Variants in PISD observed in about 807,000 individuals in gnomAD.
PISD encodes phosphatidylserine decarboxylase proenzyme, mitochondrial.
Under a neutral mutation model 43.5 loss-of-function variants are expected in PISD, and 31 were observed. The observed-to-expected ratio is 0.71, with a 90% CI of 0.54 to 0.96. PISD has a LOEUF of 0.96. Among genes scored for constraint, PISD ranks in the 40% least tolerant of loss-of-function variants. The pLI, the probability that PISD is intolerant of heterozygous loss-of-function variation, is 0.00. For synonymous variants in PISD, 259 were observed against 228.7 expected, an observed-to-expected ratio of 1.13 and a Z score of -1.20; for missense variants, 523 against 548.4, an observed-to-expected ratio of 0.95 and a Z score of 0.46.
chr22:31,641,985 C>T (rs911375817), intron 3 of PISD, among the ~76,000 whole-genome samples: 1 of 151,098 alleles, frequency 6.6e-6, no homozygotes, highest in Non-Finnish European at 1.5e-5. Context: ...GGTGTCCATA[C>T]CCTTTCAGGC....
chr22:31,643,746 CA>C lies in PISD; in HGVS notation c.321+4354del, dbSNP rs199794455. Among the ~76,000 whole-genome samples, 188 of 151,972 alleles carry C rather than the reference CA, an allele frequency of 1.2e-3. 3 individuals carry two copies. The East Asian group carries it at 0.033, about 27-fold the overall frequency. ...GCAACATGGTGAAACCCCATCTCTA[CA>C]AAAAAATACAAAAATTAGTGGCTGT... On this transcript the variant is annotated intron_variant, in intron 3 of 7. Transcript: ENST00000439502.
intron 1 of PISD, among the ~76,000 whole-genome samples, chr22:31,656,084 G>A (rs909854597): frequency 3.9e-5 from 6 of 152,032 alleles, no homozygotes; most frequent in Admixed American, 1.3e-4. Flanking sequence ...ACCTGAGGTC[G>A]GGAGTTTGAG....
At chr22:31,654,424 A>G (rs2074111213) in intron 1 of PISD, among the ~76,000 whole-genome samples, 1 of 152,132 alleles carries the variant, frequency 6.6e-6, no homozygotes, top group African/African-American at 2.4e-5. Flanking sequence ...CCATCCACTG[A>G]TGACTCCTTC....
chr22:31,637,162 AAAATATATATATATAT>A (rs1174911968), intron 3 of PISD, among the ~76,000 whole-genome samples: 12 of 15,460 alleles, frequency 7.8e-4, no homozygotes, highest in African/African-American at 3.7e-3. Flanking sequence ...AAAAAAAAAA[AAAATATATATATATAT>A]ATATATATAT....
rs780185289 is a variant in PISD, at chr22:31,623,726, G to A, written c.322-1841C>T. On this transcript the variant is annotated intron_variant, in intron 3 of 7. Transcript: ENST00000439502. ...ATCCCACCCGGCTGAGCGGTCTGAGGGCGCCGAAGGGCAGGAGGTAGTAGA... is the reference window on the plus strand; with the variant it reads ...ATCCCACCCGGCTGAGCGGTCTGAGAGCGCCGAAGGGCAGGAGGTAGTAGA... The A allele has an allele frequency of 1.9e-6, 3 of 1,614,046 alleles. No homozygotes were observed. The African/African-American group carries it at 4.0e-5, about 22-fold the overall frequency.
At chr22:31,644,529 A>G (rs1383586110) in intron 3 of PISD, among the ~76,000 whole-genome samples, 1 of 151,852 alleles carries the variant, frequency 6.6e-6, no homozygotes, top group African/African-American at 2.4e-5. Flanking sequence ...ATGAGCCACC[A>G]CGCCCAGCCT....
intron 1 of PISD, among the ~76,000 whole-genome samples, chr22:31,654,148 C>A (rs928981929): frequency 6.6e-6 from 1 of 152,200 alleles, no homozygotes; most frequent in African/African-American, 2.4e-5. Flanking sequence ...ATGTTGCCAA[C>A]ACCAATGCAC....
In PISD at chr22:31,631,052, G is replaced by A. The variant is rs549182438; in HGVS notation, c.322-9167C>T. 7.2e-5 allele frequency among the ~76,000 whole-genome samples: 11 copies of A among 152,376 alleles called. No individual in the cohort carries two copies. In the East Asian group the frequency reaches 2.1e-3, roughly 29 times the overall value. ...GCCAGGGAGAAGGGGAAGGGCAGCA[G>A]ACACCAGCTCTGCTTGGTCACTGTC... On this transcript the variant is annotated intron_variant, in intron 3 of 7. Transcript: ENST00000439502.
chr22:31,629,066 A>C, intron 3 of PISD: 1 of 985,536 alleles, frequency 1.0e-6, no homozygotes, highest in Non-Finnish European at 1.2e-6. Flanking sequence ...GGGGATCCAT[A>C]CCAGAGCAGT....
chr22:31,626,070 G>A, intron 3 of PISD: 1 of 1,410,172 alleles, frequency 7.1e-7, no homozygotes, highest in East Asian at 2.6e-5. Flanking sequence ...ACCTGCTCAG[G>A]GCTTGCAGTC....
intron 3 of PISD, chr22:31,623,975 A>G: frequency 1.3e-6 from 1 of 784,086 alleles, no homozygotes. Context: ...CTGCCTCTCC[A>G]TGGGGGTGAT....
At chr22:31,625,983 G>C in intron 3 of PISD, 1 of 1,466,040 alleles carries the variant, frequency 6.8e-7, no homozygotes, top group Middle Eastern at 1.8e-4. Flanking sequence ...GTTCAGTCTC[G>C]GTGGCTCACA....
chr22:31,650,680 A>G lies in PISD; in HGVS notation c.145+19T>C. The G allele has an allele frequency of 4.2e-6, 6 of 1,427,330 alleles. No individual in the cohort carries two copies. Among genetic ancestry groups the G allele is most frequent in the Non-Finnish European group, 5.8e-6 (6 of 1,037,488 alleles). The allele number at this position is 1,427,330 out of a possible 1,614,324, so 88.4% of individuals were successfully genotyped here. Reference sequence around the variant, plus strand: ...CTGAGGCAGAGAGAGGGTCACCACCATCTCTAATTGCTCCTTACCTGTGCG... The same window carrying G: ...CTGAGGCAGAGAGAGGGTCACCACCGTCTCTAATTGCTCCTTACCTGTGCG... On this transcript the variant is annotated intron_variant, in intron 2 of 7. Transcript: ENST00000439502.
intron 3 of PISD, among the ~76,000 whole-genome samples, chr22:31,634,130 G>T (rs1037650074): frequency 2.0e-5 from 3 of 152,234 alleles, no homozygotes; most frequent in African/African-American, 7.2e-5. Context: ...CTAAGGGGAT[G>T]CCCTGTGCCA....
rs1404094416 is a variant in PISD, at chr22:31,618,563, T to C, written c.*1049A>G. On this transcript the variant is annotated 3_prime_UTR_variant, in exon 8 of 8. Transcript: ENST00000439502. Reference sequence around the variant, plus strand: ...ATTACTGTTCAGAAGTCTCCCACTTTTCATACAAAAATACTGTGCTACTGA... The same window carrying C: ...ATTACTGTTCAGAAGTCTCCCACTTCTCATACAAAAATACTGTGCTACTGA... 1 of 826,206 alleles carries C rather than the reference T, an allele frequency of 1.2e-6. No homozygotes were observed. The highest frequency in any genetic ancestry group is 1.7e-6 in the Non-Finnish European group (1 of 577,894). 51.2% of individuals were successfully genotyped at this position (826,206 alleles called of 1,614,324 possible). A position where few individuals can be genotyped will look rare whatever the true frequency, so the allele number is the denominator to read the frequency against.
intron 1 of PISD, among the ~76,000 whole-genome samples, chr22:31,659,295 A>G (rs1569494297): frequency 2.0e-5 from 3 of 152,184 alleles, no homozygotes. Flanking sequence ...TCCACCATGT[A>G]TTACAAGTAT....
chr22:31,653,778 T>C (rs2074097277), intron 1 of PISD, among the ~76,000 whole-genome samples: 1 of 152,098 alleles, frequency 6.6e-6, no homozygotes, highest in Non-Finnish European at 1.5e-5. Flanking sequence ...AGGTCAGGAG[T>C]TCGAGACCAG....
At position 31,633,218 on chromosome 22, in the gene PISD, C is replaced by T. The variant is rs188418538; in HGVS notation, c.322-11333G>A. Reference sequence around the variant, plus strand: ...ACCAGCCCACACAGGTCCCTGGGGACGGAACAAAACCAAGCCCCAGTTAGA... The same window carrying T: ...ACCAGCCCACACAGGTCCCTGGGGATGGAACAAAACCAAGCCCCAGTTAGA... On this transcript the variant is annotated intron_variant, in intron 3 of 7. Coordinates refer to ENST00000439502, the MANE Select transcript of PISD (RefSeq NM_001326411.2). 2.0e-4 allele frequency among the ~76,000 whole-genome samples: 31 copies of T among 152,206 alleles called. No homozygotes were observed. The East Asian group carries it at 3.9e-3, about 19-fold the overall frequency.
At chr22:31,657,977 T>C (rs1379995212) in intron 1 of PISD, among the ~76,000 whole-genome samples, 1 of 152,238 alleles carries the variant, frequency 6.6e-6, no homozygotes, top group Non-Finnish European at 1.5e-5. Flanking sequence ...AAGTTTGTCT[T>C]TCTGTTGAGC....
Sources: gnomAD v4.1 joint callset for allele counts (sites outside exome capture counted in the v4.1 genomes callset) on GRCh38, gnomAD v4.1.1 for gene constraint, MANE v1.5 for transcripts, NCBI Gene and HGNC (gene_info 2026-07-23, HGNC 2026-07-21) for gene names.